Variants in GRPR observed in about 807,000 individuals in gnomAD.
GRPR encodes gastrin releasing peptide receptor.
In GRPR, 4 loss-of-function variants were observed where a neutral mutation model predicts 15.6. That is an observed-to-expected ratio of 0.26 (90% CI 0.13 to 0.59). The LOEUF (loss-of-function observed/expected upper bound fraction) is 0.59. GRPR is among the 20% of genes least tolerant of loss of function. The probability of loss-of-function intolerance (pLI) is 0.90; values close to 1 mark genes in which losing one functional copy is unlikely to be tolerated. For missense variants in GRPR, 270 were observed against 304.1 expected, an observed-to-expected ratio of 0.89 and a Z score of 0.83; for synonymous variants, 128 against 126.8, an observed-to-expected ratio of 1.01 and a Z score of -0.06.
intron 1 of GRPR, among the ~76,000 whole-genome samples, chrX:16,142,836 G>T (rs1290912583): frequency 9.1e-6 from 1 of 109,884 alleles, no homozygotes; most frequent in Non-Finnish European, 1.9e-5. Context: ...GAATGTGTCT[G>T]CAGGGAACTG....
chrX:16,123,826 C>T lies in GRPR; in HGVS notation c.-128C>T. 1 of 551,123 alleles carries T rather than the reference C, an allele frequency of 1.8e-6. No individual in the cohort carries two copies. Among genetic ancestry groups the T allele is most frequent in the Non-Finnish European group, 3.1e-6 (1 of 318,199 alleles). 45.4% of individuals were successfully genotyped at this position (551,123 alleles called of 1,213,427 possible). The stretch of plus-strand genomic sequence containing the variant: ...ATACCATAGTTAGTATATATGTACT[C>T]AGAGTATTTTTATTAAAGAAGGCAA... On this transcript the variant is annotated 5_prime_UTR_variant, in exon 1 of 3. Transcript: ENST00000380289.
chrX:16,132,650 G>T (rs2147031869), intron 1 of GRPR, among the ~76,000 whole-genome samples: 1 of 111,307 alleles, frequency 9.0e-6, no homozygotes, highest in Non-Finnish European at 1.9e-5. Context: ...GATTAAAATT[G>T]TCTTTTTATT....
rs911353162 is a variant in GRPR at position 16,124,370 on chromosome X, A to G, written c.413+4A>G. ...TCACGGCGCTCTCGGCAGACAGGTA[A>G]GTACAGGCTGAAAGTTACATGCTCT... On this transcript the variant is annotated splice_donor_region_variant and intron_variant, in intron 1 of 2. Coordinates refer to ENST00000380289, the MANE Select transcript of GRPR (RefSeq NM_005314.3). The G allele has an allele frequency of 8.3e-7, 1 of 1,203,982 alleles. No homozygotes were observed. The highest frequency in any genetic ancestry group is 1.1e-6 in the Non-Finnish European group (1 of 888,762).
rs758622033 is a variant in GRPR at position 16,152,114 on chromosome X, CTT to C, written c.766-138_766-137del. ...CTCTCTTGCCCTCTCCTATTGAACT[CTT>C]TTTCGGTGGCTTTGTGAACTCCTCT... On this transcript the variant is annotated intron_variant, in intron 2 of 2. Coordinates refer to ENST00000380289, the MANE Select transcript of GRPR (RefSeq NM_005314.3). 1.8e-4 allele frequency: 97 copies of C among 553,642 alleles called. No homozygotes were observed. The South Asian group carries it at 2.3e-3, about 13-fold the overall frequency. 45.6% of individuals were successfully genotyped at this position (553,642 alleles called of 1,213,427 possible). A position where few individuals can be genotyped will look rare whatever the true frequency, so the allele number is the denominator to read the frequency against.
chrX:16,152,553 A>G lies in GRPR; in HGVS notation c.1063A>G (p.Thr355Ala). 1 of 1,206,018 alleles carries G rather than the reference A, an allele frequency of 8.3e-7. No individual in the cohort carries two copies. The highest frequency in any genetic ancestry group is 1.1e-6 in the Non-Finnish European group (1 of 889,983). ...IIRSHSTGRS[T>A]TCMTSLKSTN... ...CCGGTCTCACAGCACTGGAAGGAGT[A>G]CAACCTGCATGACCTCCCTCAAGAG... Residue 355 changes from threonine (T) to alanine (A), a missense_variant, in exon 3 of 3, where the codon ACA becomes GCA. By Grantham distance (58) the Thr-to-Ala change is moderately conservative. This residue lies in a region of GRPR where 133 missense variants were observed against 123.4 expected (regional missense o/e 1.08). Coordinates refer to ENST00000380289, the MANE Select transcript of GRPR (RefSeq NM_005314.3).
intron 1 of GRPR, among the ~76,000 whole-genome samples, chrX:16,143,887 C>T (rs1195029608): frequency 8.9e-6 from 1 of 111,760 alleles, no homozygotes; most frequent in East Asian, 2.8e-4. Flanking sequence ...CCACGAGCTC[C>T]TTGTCGGTAA....
chrX:16,139,539 G>A (rs1226231397), intron 1 of GRPR, among the ~76,000 whole-genome samples: 1 of 110,209 alleles, frequency 9.1e-6, no homozygotes, highest in East Asian at 2.8e-4. Context: ...CTTCCAGTGT[G>A]GCCCAGGGAA....
intron 1 of GRPR, among the ~76,000 whole-genome samples, chrX:16,136,170 C>T (rs931565707): frequency 8.9e-6 from 1 of 111,735 alleles, no homozygotes; most frequent in Admixed American, 9.5e-5. Flanking sequence ...GGGCCTCAGT[C>T]TCTGGTCTCA....
chrX:16,124,120 T>A lies in GRPR; in HGVS notation c.167T>A (p.Ile56Asn). ...GGGGTTATCATTCTGATAGGCCTCA[T>A]TGGCAACATCACTTTGATCAAGATC... ...VYGVIILIGLIGNITLIKIFC... is the reference protein window; with the variant it reads ...VYGVIILIGLNGNITLIKIFC... Residue 56 changes from isoleucine (I) to asparagine (N), a missense_variant, in exon 1 of 3, where the codon ATT becomes AAT. Ile to Asn is a moderately radical substitution (Grantham distance 149, BLOSUM62 -3). Transcript: ENST00000380289. 8.3e-7 allele frequency: 1 copy of A among 1,208,397 alleles called. No homozygotes were observed. The highest frequency in any genetic ancestry group is 1.7e-5 in the African/African-American group (1 of 57,815).
chrX:16,131,514 G>A (rs898841190), intron 1 of GRPR, among the ~76,000 whole-genome samples: 3 of 111,597 alleles, frequency 2.7e-5, no homozygotes, highest in Non-Finnish European at 5.6e-5. Flanking sequence ...ACATTTGTAT[G>A]AATTTTGACA....
At chrX:16,140,991 A>G (rs772343351) in intron 1 of GRPR, among the ~76,000 whole-genome samples, 3 of 111,818 alleles carry the variant, frequency 2.7e-5, no homozygotes, top group Non-Finnish European at 3.8e-5. Context: ...TCTAACTACA[A>G]TTTGCAAATG....
intron 1 of GRPR, among the ~76,000 whole-genome samples, chrX:16,132,674 A>G (rs1486447507): frequency 9.0e-6 from 1 of 111,532 alleles, no homozygotes; most frequent in Non-Finnish European, 1.9e-5. Flanking sequence ...GAGAGATTAG[A>G]AAAACTTTCT....
chrX:16,124,672 T>C (rs16980268), intron 1 of GRPR, among the ~76,000 whole-genome samples: 2,867 of 112,013 alleles, frequency 0.026, 88 homozygotes, highest in African/African-American at 0.088. Flanking sequence ...TCTCCCTCCT[T>C]GCAAAATTAA....
intron 1 of GRPR, among the ~76,000 whole-genome samples, chrX:16,138,723 G>A (rs1005717827): frequency 1.8e-5 from 2 of 109,972 alleles, no homozygotes; most frequent in Admixed American, 9.6e-5. Flanking sequence ...TTTTAAAATT[G>A]TACTGGGGTA....
intron 1 of GRPR, among the ~76,000 whole-genome samples, chrX:16,128,764 T>G (rs1419112085): frequency 9.1e-6 from 1 of 110,043 alleles, no homozygotes. Flanking sequence ...GTGGGTTACA[T>G]GTATGAGTGG....
intron 1 of GRPR, among the ~76,000 whole-genome samples, chrX:16,147,138 G>A (rs903896172): frequency 9.0e-6 from 1 of 111,094 alleles, no homozygotes; most frequent in African/African-American, 3.3e-5. Context: ...ATTTTTAATT[G>A]CACAAGTGAT....
At chrX:16,131,076 C>T (rs756766858) in intron 1 of GRPR, among the ~76,000 whole-genome samples, 2 of 112,218 alleles carry the variant, frequency 1.8e-5, no homozygotes, top group South Asian at 7.5e-4. Flanking sequence ...TCATTTCTGG[C>T]AACTTAATAT....
Position 16,152,649 on chromosome X carries a change from G to C in GRPR, c.*4G>C, listed in dbSNP as rs752510531. 1 of 1,205,996 alleles carries C rather than the reference G, an allele frequency of 8.3e-7. No homozygotes were observed. The highest frequency in any genetic ancestry group is 3.0e-5 in the East Asian group (1 of 33,802). On this transcript the variant is annotated 3_prime_UTR_variant, in exon 3 of 3. Coordinates refer to ENST00000380289, the MANE Select transcript of GRPR (RefSeq NM_005314.3). ...CTGTCACGAGCGGTATGTCTAGATT[G>C]ACCCTTGATTTTGCCCCCTGAGGGA...
rs367800688 is a variant in GRPR, at chrX:16,150,548, C to T, written c.657C>T (p.Tyr219=). The T allele has an allele frequency of 6.9e-5, 82 of 1,191,333 alleles. No homozygotes were observed. The highest frequency in any genetic ancestry group is 2.3e-4 in the Middle Eastern group (1 of 4,328). ...IHSMASFLVF[Y]VIPLSIISVY... ...CTATGGCTTCCTTTCTGGTCTTCTA[C>T]GTCATTCCACTGTCGATCATCTCTG... Residue 219 remains tyrosine (Y), a synonymous_variant, in exon 2 of 3, where the codon TAC becomes TAT. Coordinates refer to ENST00000380289, the MANE Select transcript of GRPR (RefSeq NM_005314.3).
Sources: gnomAD v4.1 joint callset for allele counts (sites outside exome capture counted in the v4.1 genomes callset) on GRCh38, gnomAD v4.1.1 for gene constraint, gnomAD v4.1.1 regional missense constraint, MANE v1.5 for transcripts, NCBI Gene and HGNC (gene_info 2026-07-23, HGNC 2026-07-21) for gene names.